PHF24: variants seen among roughly 807,000 people sequenced by gnomAD.
PHF24 encodes Galpha inhibitory interacting protein.
In PHF24, 25 loss-of-function variants were observed where a neutral mutation model predicts 42.6. The observed-to-expected ratio is 0.59, with a 90% CI of 0.43 to 0.82. PHF24 has a LOEUF of 0.82. PHF24 is among the 40% of genes least tolerant of loss of function. PHF24 has a pLI of 0.00. For missense variants in PHF24, 470 were observed against 538.1 expected (o/e 0.87, Z 1.25); for synonymous variants, 185 against 204.8 (o/e 0.90, Z 0.83).
intron 1 of PHF24, among the ~76,000 whole-genome samples, chr9:34,960,883 C>T (rs1478359862): frequency 1.3e-5 from 2 of 152,212 alleles, no homozygotes; most frequent in African/African-American, 4.8e-5. Flanking sequence ...CCTTAACCTT[C>T]TCAAAAATGC....
At chr9:34,912,814 A>G in the PHF24 span, among the ~76,000 whole-genome samples, 5 of 152,248 alleles carry the variant, frequency 3.3e-5, no homozygotes, top group Admixed American at 3.3e-4. Flanking sequence ...TCAACCTATT[A>G]AGAATTAAGA....
chr9:34,827,216 A>G, the PHF24 span, among the ~76,000 whole-genome samples: 1 of 152,120 alleles, frequency 6.6e-6, no homozygotes, highest in Non-Finnish European at 1.5e-5. Context: ...TCCTGAGTCA[A>G]TTCCCTTCAT....
chr9:34,731,624 G>A, the PHF24 span, among the ~76,000 whole-genome samples: 2 of 152,100 alleles, frequency 1.3e-5, no homozygotes, highest in Non-Finnish European at 2.9e-5. Flanking sequence ...TGCAAATGAC[G>A]GGACCTCATT....
the PHF24 span, among the ~76,000 whole-genome samples, chr9:34,816,328 T>A: frequency 6.6e-6 from 1 of 152,156 alleles, no homozygotes; most frequent in African/African-American, 2.4e-5. Flanking sequence ...ATAATTCCTT[T>A]TTTGAGGTTG....
chr9:34,772,200 G>A, the PHF24 span, among the ~76,000 whole-genome samples: 1 of 152,092 alleles, frequency 6.6e-6, no homozygotes, highest in South Asian at 2.1e-4. Flanking sequence ...AGTCAACAAC[G>A]CCTAAGAGCC....
chr9:34,862,449 C>T, the PHF24 span, among the ~76,000 whole-genome samples: 1 of 151,978 alleles, frequency 6.6e-6, no homozygotes, highest in Non-Finnish European at 1.5e-5. Context: ...GTTTGGTGTC[C>T]AGCCCAGCCA....
At chr9:34,683,827 T>C in the PHF24 span, among the ~76,000 whole-genome samples, 1 of 152,168 alleles carries the variant, frequency 6.6e-6, no homozygotes, top group South Asian at 2.1e-4. Context: ...TGTCCAGAGA[T>C]ATGATTAGAG....
chr9:34,748,577 G>C, the PHF24 span, among the ~76,000 whole-genome samples: 1 of 152,166 alleles, frequency 6.6e-6, no homozygotes, highest in Non-Finnish European at 1.5e-5. Flanking sequence ...AAGAGTTTCT[G>C]CCTGGTAATC....
At chr9:34,885,193 G>C in the PHF24 span, among the ~76,000 whole-genome samples, 1 of 152,222 alleles carries the variant, frequency 6.6e-6, no homozygotes, top group Non-Finnish European at 1.5e-5. Context: ...AGTAGGCCTA[G>C]ACCTTGTGAC....
the PHF24 span, chr9:34,710,071 G>A: frequency 6.2e-7 from 1 of 1,613,030 alleles, no homozygotes; most frequent in South Asian, 1.1e-5. Flanking sequence ...AGCCATGTCT[G>A]TGGTAGAGGG....
the PHF24 span, among the ~76,000 whole-genome samples, chr9:34,772,644 T>G: frequency 6.6e-6 from 1 of 152,232 alleles, no homozygotes; most frequent in Non-Finnish European, 1.5e-5. Flanking sequence ...AAAATTCTAT[T>G]TAAAATTACA....
At chr9:34,685,779 A>G in the PHF24 span, among the ~76,000 whole-genome samples, 1 of 152,332 alleles carries the variant, frequency 6.6e-6, no homozygotes, top group East Asian at 1.9e-4. Flanking sequence ...GCACATGGCC[A>G]GCACCCAAAA....
chr9:34,967,044 AT>A (rs201044018), intron 1 of PHF24, among the ~76,000 whole-genome samples: 36 of 147,804 alleles, frequency 2.4e-4, no homozygotes, highest in Admixed American at 5.4e-4. Context: ...GCCTAGCTAA[AT>A]TTTTTTTTTT....
At chr9:34,765,840 G>A in the PHF24 span, among the ~76,000 whole-genome samples, 58 of 151,984 alleles carry the variant, frequency 3.8e-4, no homozygotes, top group Non-Finnish European at 5.1e-4. Context: ...GGCTGGTACT[G>A]GTTGTTCCTT....
the PHF24 span, chr9:34,894,650 C>T: frequency 1.8e-5 from 7 of 396,730 alleles, no homozygotes; most frequent in South Asian, 1.4e-4. Flanking sequence ...TAACCGTTTA[C>T]GATGTGTTGT....
At chr9:34,878,428 T>C in the PHF24 span, among the ~76,000 whole-genome samples, 1 of 152,256 alleles carries the variant, frequency 6.6e-6, no homozygotes, top group Admixed American at 6.5e-5. Context: ...TTGCCTCACC[T>C]GGGAAGCGCA....
chr9:34,767,700 C>T, the PHF24 span, among the ~76,000 whole-genome samples: 2 of 152,338 alleles, frequency 1.3e-5, no homozygotes, highest in Middle Eastern at 3.4e-3. Flanking sequence ...GCGCATGGTG[C>T]GCTGCACCCA....
At chr9:34,714,818 A>G in the PHF24 span, among the ~76,000 whole-genome samples, 36 of 152,278 alleles carry the variant, frequency 2.4e-4, no homozygotes, top group Non-Finnish European at 4.3e-4. Flanking sequence ...TTTCTTTCCT[A>G]AAAGCTTAGG....
chr9:34,858,684 C>T, the PHF24 span, among the ~76,000 whole-genome samples: 1 of 152,170 alleles, frequency 6.6e-6, no homozygotes, highest in Non-Finnish European at 1.5e-5. Flanking sequence ...CAGCCTGACT[C>T]TGGGTTGGTT....
Sources: gnomAD v4.1 joint callset for allele counts (sites outside exome capture counted in the v4.1 genomes callset) on GRCh38, gnomAD v4.1.1 for gene constraint, MANE v1.5 for transcripts, NCBI Gene and HGNC (gene_info 2026-07-23, HGNC 2026-07-21) for gene names.